SERPINB2: variants seen among roughly 807,000 people sequenced by gnomAD.
SERPINB2 encodes the protein plasminogen activator inhibitor 2.
Under a neutral mutation model 39.4 loss-of-function variants are expected in SERPINB2, and 28 were observed. The ratio of observed to expected loss-of-function variants is 0.71; its 90% CI spans 0.53 to 0.97. SERPINB2 has a LOEUF of 0.97. Among genes scored for constraint, SERPINB2 ranks in the 50% least tolerant of loss-of-function variants. The probability of loss-of-function intolerance (pLI) is 0.00; values close to 1 mark genes in which losing one functional copy is unlikely to be tolerated. For synonymous variants in SERPINB2, 209 were observed against 175.1 expected (o/e 1.19, Z -1.53); for missense variants, 557 against 505.3 (o/e 1.10, Z -0.98).
chr18:63,888,262 A>G (rs1216876517), intron 1 of SERPINB2, among the ~76,000 whole-genome samples: 1 of 152,276 alleles, frequency 6.6e-6, no homozygotes, highest in African/African-American at 2.4e-5. Context: ...GGCTGGGTCA[A>G]TCTAGTACAA....
rs1328506524 is a variant in SERPINB2 at position 63,895,293 on chromosome 18, T to A, written c.198T>A (p.Asn66Lys). ...KVLQFNEVGA[N>K]AVTPMTPENF... is the part of the protein sequence containing the mutation. ...TTCAGTTTAATGAAGTGGGAGCCAA[T>A]GCAGTTACCCCCATGACTCCAGAGA... The change falls in exon 3 of 8, where the codon AAT becomes AAA. Residue 66 changes from asparagine (N) to lysine (K), a missense_variant. Transcript: ENST00000299502. The A allele has an allele frequency of 1.2e-6, 2 of 1,614,118 alleles. No individual in the cohort carries two copies. The highest frequency in any genetic ancestry group is 1.7e-6 in the Non-Finnish European group (2 of 1,179,982).
At chr18:63,893,230 G>C (rs9961912) in intron 2 of SERPINB2, among the ~76,000 whole-genome samples, 27,886 of 152,038 alleles carry the variant, frequency 0.18, 2,847 homozygotes, top group Middle Eastern at 0.3. Context: ...ACCCGGCCTA[G>C]GTTTTTTTGT....
Position 63,903,392 on chromosome 18 carries a change from A to G in SERPINB2, c.*87A>G. 1 of 1,339,192 alleles carries G rather than the reference A, an allele frequency of 7.5e-7. No homozygotes were observed. Among genetic ancestry groups the G allele is most frequent in the Non-Finnish European group, 9.9e-7 (1 of 1,005,246 alleles). The allele number at this position is 1,339,192 out of a possible 1,614,324, so 83.0% of individuals were successfully genotyped here. On this transcript the variant is annotated 3_prime_UTR_variant, in exon 8 of 8. Coordinates refer to ENST00000299502, the MANE Select transcript of SERPINB2 (RefSeq NM_002575.3). ...ATTTCAAATTGCCAAAAATTTAGAG[A>G]TGTTTTCTACATATTTCTGCTCTTC...
At chr18:63,895,483 T>A in intron 3 of SERPINB2, 100 bp downstream of exon 3, 1 of 1,412,454 alleles carries the variant, frequency 7.1e-7, no homozygotes, top group East Asian at 2.3e-5. Context: ...GAATATACCC[T>A]CCCCCATTCA....
At chr18:63,895,435 C>T (rs2049953543) in intron 3 of SERPINB2, 52 bp downstream of exon 3, 1 of 1,611,936 alleles carries the variant, frequency 6.2e-7, no homozygotes, top group Admixed American at 1.7e-5. Context: ...TTGCAATCTT[C>T]CTGTCTTAAA....
intron 3 of SERPINB2, among the ~76,000 whole-genome samples, chr18:63,895,963 A>T (rs560726891): frequency 6.6e-6 from 1 of 152,132 alleles, no homozygotes; most frequent in Non-Finnish European, 1.5e-5. Flanking sequence ...CTATTTATCA[A>T]TCAGCTATCT....
At position 63,902,553 on chromosome 18, in the gene SERPINB2, C is replaced by G. The variant is rs1376779439; in HGVS notation, c.828C>G (p.Ser276=). The change falls in exon 7 of 8, where the codon TCC becomes TCG. Residue 276 remains serine (S), a synonymous_variant. Transcript: ENST00000299502. Reference sequence around the variant, plus strand: ...TTCCAGATGAAATTGCCGATGTGTCCACTGGCTTGGAGCTGGTAAGACATT... The same window carrying G: ...TTCCAGATGAAATTGCCGATGTGTCGACTGGCTTGGAGCTGGTAAGACATT... The part of the protein sequence containing the change: ...LLLPDEIADV[S]TGLELLESEI... 6.2e-7 allele frequency: 1 copy of G among 1,612,608 alleles called. No individual in the cohort carries two copies. Among genetic ancestry groups the G allele is most frequent in the South Asian group, 1.1e-5 (1 of 90,916 alleles).
In SERPINB2 at chr18:63,897,152, C is replaced by A; in HGVS notation, c.350C>A (p.Ser117Tyr). Residue 117 changes from serine to tyrosine, a missense_variant, in exon 4 of 8, where the codon TCC becomes TAC. By Grantham distance (144) the Ser-to-Tyr change is moderately radical. Coordinates refer to ENST00000299502, the MANE Select transcript of SERPINB2 (RefSeq NM_002575.3). ...TCTCTCAGCTCTGCAATCAATGCAT[C>A]CACAGGGAATTATTTACTGGAAAGT... Reference protein sequence around the residue: ...FRSLSSAINASTGNYLLESVN... With the variant: ...FRSLSSAINAYTGNYLLESVN... 1 of 1,613,598 alleles carries A rather than the reference C, an allele frequency of 6.2e-7. No individual in the cohort carries two copies. The highest frequency in any genetic ancestry group is 8.5e-7 in the Non-Finnish European group (1 of 1,179,646).
intron 1 of SERPINB2, among the ~76,000 whole-genome samples, chr18:63,888,910 C>T (rs2049908656): frequency 1.3e-5 from 2 of 152,208 alleles, no homozygotes; most frequent in African/African-American, 4.8e-5. Flanking sequence ...CCCATGACTT[C>T]AATTTTGCCT....
At chr18:63,897,289 C>G in intron 4 of SERPINB2, 70 bp downstream of exon 4, 1 of 1,543,872 alleles carries the variant, frequency 6.5e-7, no homozygotes, top group African/African-American at 1.4e-5. Flanking sequence ...AAGCAGTTCT[C>G]TACAATTCAA....
At chr18:63,894,990 G>A (rs1568236025) in intron 2 of SERPINB2, among the ~76,000 whole-genome samples, 1 of 152,034 alleles carries the variant, frequency 6.6e-6, no homozygotes, top group East Asian at 1.9e-4. Flanking sequence ...TGGGGAAGAG[G>A]TTTTAAATCA....
At chr18:63,895,653 G>A (rs917568682) in intron 3 of SERPINB2, among the ~76,000 whole-genome samples, 1 of 152,194 alleles carries the variant, frequency 6.6e-6, no homozygotes, top group African/African-American at 2.4e-5. Context: ...GGTGAGGTAT[G>A]TGTAATTTAT....
rs757634785 is a variant in SERPINB2 at position 63,895,345 on chromosome 18, C to T, written c.250C>T (p.Gln84Ter). Residue 84 changes from glutamine to a stop codon, truncating the protein, a stop_gained, in exon 3 of 8, where the codon CAG becomes TAG. Coordinates refer to ENST00000299502, the MANE Select transcript of SERPINB2 (RefSeq NM_002575.3). LOFTEE classifies it high-confidence loss of function. Reference protein sequence around the residue: ...ENFTSCGFMQQIQKGSYPDAI... With the variant: ...ENFTSCGFMQ ...CTTTACCAGCTGTGGGTTCATGCAG[C>T]AGATCCAGAAGGGTAGTTATCCTGA... 1.2e-6 allele frequency: 2 copies of T among 1,614,098 alleles called. No homozygotes were observed. The highest frequency in any genetic ancestry group is 3.3e-5 in the Admixed American group (2 of 60,024).
chr18:63,900,481 A>C (rs1282199855), intron 5 of SERPINB2, among the ~76,000 whole-genome samples: 1 of 152,172 alleles, frequency 6.6e-6, no homozygotes, highest in Non-Finnish European at 1.5e-5. Flanking sequence ...TTACAGCTCC[A>C]TGATTCCTCC....
At chr18:63,889,336 T>C (rs2049910765) in intron 1 of SERPINB2, among the ~76,000 whole-genome samples, 1 of 152,240 alleles carries the variant, frequency 6.6e-6, no homozygotes, top group Admixed American at 6.5e-5. Context: ...AATTTGCTTC[T>C]GTTCTTATTA....
chr18:63,893,339 G>C (rs944228736), intron 2 of SERPINB2, among the ~76,000 whole-genome samples: 1 of 152,194 alleles, frequency 6.6e-6, no homozygotes, highest in Non-Finnish European at 1.5e-5. Context: ...TTTGGTACTA[G>C]AGGAAAATAA....
At chr18:63,890,962 G>A (rs954416382) in intron 1 of SERPINB2, 7 of 157,518 alleles carry the variant, frequency 4.4e-5, no homozygotes, top group African/African-American at 1.7e-4. Flanking sequence ...CAGTGTGTGT[G>A]GTGTGGATGT....
chr18:63,893,281 G>T (rs947144293), intron 2 of SERPINB2, among the ~76,000 whole-genome samples: 1 of 152,194 alleles, frequency 6.6e-6, no homozygotes, highest in African/African-American at 2.4e-5. Flanking sequence ...TATTTTGGGA[G>T]CAAATGCTAA....
chr18:63,898,999 T>A (rs1196860182), intron 5 of SERPINB2, among the ~76,000 whole-genome samples: 1 of 152,190 alleles, frequency 6.6e-6, no homozygotes, highest in African/African-American at 2.4e-5. Context: ...AAGGTCTCAT[T>A]CTTTACCTTG....
Sources: allele counts gnomAD v4.1 joint callset (sites outside exome capture counted in the v4.1 genomes callset), GRCh38; gene constraint gnomAD v4.1.1; transcripts MANE v1.5; gene names NCBI Gene and HGNC (gene_info 2026-07-23, HGNC 2026-07-21).